MUC5AC: variants seen among roughly 807,000 people sequenced by gnomAD.
MUC5AC encodes mucin-5AC.
In MUC5AC, 158 loss-of-function variants were observed where a neutral mutation model predicts 169.7. The observed-to-expected ratio is 0.93, with a 90% CI of 0.82 to 1.06. The LOEUF is 1.06. Among genes scored for constraint, MUC5AC ranks in the 50% least tolerant of loss-of-function variants. The pLI is 0.00. For missense variants in MUC5AC, 4,359 were observed against 3,089.9 expected, an observed-to-expected ratio of 1.41 and a Z score of -9.74; for synonymous variants, 1,975 against 1,237.0, an observed-to-expected ratio of 1.60 and a Z score of -12.52.
Position 1,168,747 on chromosome 11 carries a change from A to G in MUC5AC, c.1673A>G (p.Gln558Arg), listed in dbSNP as rs1466701472. 2 of 1,607,622 alleles carry G rather than the reference A, an allele frequency of 1.2e-6. No homozygotes were observed. The highest frequency in any genetic ancestry group is 1.7e-6 in the Non-Finnish European group (2 of 1,175,782). Residue 558 changes from glutamine (Q) to arginine (R), a missense_variant, in exon 14 of 49, where the codon CAG (glutamine) becomes CGG (arginine). Transcript: ENST00000621226. ...GTGCCCACCATGCAGCTGTTCATGC[A>G]GCTGGCGCCCAAGCTCCGTGGGCAG... ...QLVPTMQLFM[Q>R]LAPKLRGQTC...
At position 1,163,990 on chromosome 11, in the gene MUC5AC, T is replaced by C; in HGVS notation, c.788T>C (p.Phe263Ser). 6.2e-7 allele frequency: 1 copy of C among 1,610,184 alleles called. No homozygotes were observed. Among genetic ancestry groups the C allele is most frequent in the Middle Eastern group, 1.7e-4 (1 of 6,058 alleles). Residue 263 changes from phenylalanine to serine, a missense_variant and splice_region_variant, in exon 7 of 49, where the codon TTT becomes TCT. By Grantham distance (155) the Phe-to-Ser change is radical. Transcript: ENST00000621226. ...CCCCCGAGGAACTGCTCCACTGGCTTTGTAAGCCTTGGAGGGAACAGAGGG... is the reference window on the plus strand; with the variant it reads ...CCCCCGAGGAACTGCTCCACTGGCTCTGTAAGCCTTGGAGGGAACAGAGGG... Reference protein sequence around the residue: ...PEPPRNCSTGFGICEELLHGQ... With the variant: ...PEPPRNCSTGSGICEELLHGQ...
chr11:1,169,079 C>G, intron 15 of MUC5AC, 53 bp downstream of exon 15: 1 of 1,491,226 alleles, frequency 6.7e-7, no homozygotes, highest in Non-Finnish European at 8.9e-7. Flanking sequence ...CTGGTTCACC[C>G]GCTTCCATTT....
chr11:1,194,383 G>A lies in MUC5AC; in HGVS notation c.15006+23G>A, dbSNP rs368228847. ...GAGGTGGGGGCGCGCCCGGTGTGCCGCGGAGGGGGTGGGGGACGCGGCTTT... is the reference window on the plus strand; with the variant it reads ...GAGGTGGGGGCGCGCCCGGTGTGCCACGGAGGGGGTGGGGGACGCGGCTTT... On this transcript the variant is annotated intron_variant, in intron 34 of 48. Coordinates refer to ENST00000621226, the MANE Select transcript of MUC5AC (RefSeq NM_001304359.2). 1.7e-4 allele frequency: 123 copies of A among 710,990 alleles called. No homozygotes were observed. The African/African-American group carries it at 1.7e-3, about 10-fold the overall frequency. 44.0% of individuals were successfully genotyped at this position (710,990 alleles called of 1,614,324 possible). A position where few individuals can be genotyped will look rare whatever the true frequency, so the allele number is the denominator to read the frequency against.
rs1860930258 is a variant in MUC5AC at position 1,185,873 on chromosome 11, T to G, written c.7728T>G (p.Pro2576=). ...CTGGAACTACTCCCAGCCCTGTTCCTACCACGAGCACAACCTCTGCTCCTA... is the reference window on the plus strand; with the variant it reads ...CTGGAACTACTCCCAGCCCTGTTCCGACCACGAGCACAACCTCTGCTCCTA... ...SGPGTTPSPV[P]TTSTTSAPTT... The change falls in exon 31 of 49, where the codon CCT becomes CCG. Residue 2576 remains proline (P), a synonymous_variant. Coordinates refer to ENST00000621226, the MANE Select transcript of MUC5AC (RefSeq NM_001304359.2). 1.3e-6 allele frequency: 1 copy of G among 745,380 alleles called. No homozygotes were observed. The highest frequency in any genetic ancestry group is 1.4e-5 in the South Asian group (1 of 71,730). 46.2% of individuals were successfully genotyped at this position (745,380 alleles called of 1,614,324 possible).
At position 1,186,835 on chromosome 11, in the gene MUC5AC, C is replaced by A. The variant is rs1361700833; in HGVS notation, c.8690C>A (p.Thr2897Lys). 8 of 709,808 alleles carry A rather than the reference C, an allele frequency of 1.1e-5. No individual in the cohort carries two copies. In the African/African-American group the frequency reaches 1.2e-4, roughly 11 times the overall value. The allele number at this position is 709,808 out of a possible 1,614,324, so 44.0% of individuals were successfully genotyped here. Residue 2897 changes from threonine (T) to lysine (K), a missense_variant, in exon 31 of 49, where the codon ACA becomes AAA. Physicochemically the swap from Thr to Lys is moderately conservative, Grantham distance 78 (BLOSUM62 -1). Coordinates refer to ENST00000621226, the MANE Select transcript of MUC5AC (RefSeq NM_001304359.2). ...VPTTSTTSAP[T>K]TRTTSAPTTS... The stretch of plus-strand genomic sequence containing the variant: ...ACCACCAGTACAACCTCTGCTCCTA[C>A]AACCAGAACAACCTCTGCTCCTACA...
chr11:1,193,726 G>A (rs537382498), intron 33 of MUC5AC, 67 bp downstream of exon 33: 58 of 743,094 alleles, frequency 7.8e-5, no homozygotes, highest in Admixed American at 7.5e-4. Context: ...GTGGAAATGG[G>A]CGGGGCAGAG....
Position 1,185,911 on chromosome 11 carries a change from C to A in MUC5AC, c.7766C>A (p.Thr2589Asn). 1.3e-6 allele frequency: 1 copy of A among 746,108 alleles called. No homozygotes were observed. 46.2% of individuals were successfully genotyped at this position (746,108 alleles called of 1,614,324 possible). ...ACCTCTGCTCCTACAACCAGCACAA[C>A]CTCTGGTCCTGGAACTACTCCCAGT... ...STTSAPTTST[T>N]SGPGTTPSAV... Residue 2589 changes from threonine to asparagine, a missense_variant, in exon 31 of 49, where the codon ACC (threonine) becomes AAC (asparagine). By Grantham distance (65) the Thr-to-Asn change is moderately conservative. Coordinates refer to ENST00000621226, the MANE Select transcript of MUC5AC (RefSeq NM_001304359.2).
chr11:1,160,807 C>A, intron 2 of MUC5AC, 118 bp downstream of exon 2: 1 of 1,037,282 alleles, frequency 9.6e-7, no homozygotes, highest in Non-Finnish European at 1.4e-6. Context: ...CTGCTGAGGA[C>A]CAAACCTGGG....
chr11:1,163,721 G>C (rs1168761134), intron 6 of MUC5AC, among the ~76,000 whole-genome samples, 161 bp from the exon 7 acceptor site: 1 of 152,106 alleles, frequency 6.6e-6, no homozygotes, highest in Non-Finnish European at 1.5e-5. Context: ...GTGGCCAAGC[G>C]GGTGCAGTCA....
intron 15 of MUC5AC, among the ~76,000 whole-genome samples, chr11:1,169,850 C>T (rs1452550501): frequency 2.4e-3 from 308 of 130,950 alleles, no homozygotes; most frequent in African/African-American, 7.9e-3. Flanking sequence ...ACCCACTCAC[C>T]GACTCACCCA....
chr11:1,167,696 T>G (rs969760506), intron 11 of MUC5AC, among the ~76,000 whole-genome samples, 181 bp from the exon 12 acceptor site: 2 of 152,136 alleles, frequency 1.3e-5, no homozygotes, highest in African/African-American at 4.8e-5. Flanking sequence ...GCATGCAGAT[T>G]TCTGTGTGTG....
In MUC5AC at chr11:1,169,045, C is replaced by T. The variant is rs757784397; in HGVS notation, c.1870+19C>T. The stretch of plus-strand genomic sequence containing the variant: ...GAGAATGGTACGGGTGTCCACGGCT[C>T]GCCTCTGTGCTGGCCGCCTGGCGCT... On this transcript the variant is annotated intron_variant, in intron 15 of 48. Transcript: ENST00000621226. 7.2e-6 allele frequency: 11 copies of T among 1,535,204 alleles called. No homozygotes were observed. Among genetic ancestry groups the T allele is most frequent in the African/African-American group, 4.1e-5 (3 of 72,538 alleles).
Position 1,191,903 on chromosome 11 carries a change from C to G in MUC5AC, c.13758C>G (p.Thr4586=). The change falls in exon 31 of 49, where the codon ACC becomes ACG. Residue 4586 remains threonine (T), a synonymous_variant. Coordinates refer to ENST00000621226, the MANE Select transcript of MUC5AC (RefSeq NM_001304359.2). ...CCTCTGCTCCTACAACCAGCACGAC[C>G]TCTGGTCCTGGAACTACTCCCAGCC... is the stretch of plus-strand genomic sequence containing the variant. ...STTSAPTTST[T]SGPGTTPSPV... The G allele has an allele frequency of 1.3e-6, 1 of 765,044 alleles. No homozygotes were observed. Among genetic ancestry groups the G allele is most frequent in the East Asian group, 2.4e-5 (1 of 41,238 alleles). 47.4% of individuals were successfully genotyped at this position (765,044 alleles called of 1,614,324 possible).
chr11:1,179,354 T>A, intron 26 of MUC5AC, 106 bp downstream of exon 26: 1 of 464,264 alleles, frequency 2.2e-6, no homozygotes, highest in Non-Finnish European at 3.8e-6. Flanking sequence ...GGGGAAGGTT[T>A]CCAAATAAAC....
In MUC5AC at chr11:1,180,277, G is replaced by C. The variant is rs1860786121; in HGVS notation, c.3614-77G>C. ...GTGCTGTCGGCGAGGCCCGCTGCTT[G>C]GGGGCTGGGCGGAGCCCTCCAGAGC... On this transcript the variant is annotated intron_variant, in intron 27 of 48. Coordinates refer to ENST00000621226, the MANE Select transcript of MUC5AC (RefSeq NM_001304359.2). 5 of 398,530 alleles carry C rather than the reference G, an allele frequency of 1.3e-5. No homozygotes were observed. In the Admixed American group the frequency reaches 2.2e-4, roughly 18 times the overall value. The allele number at this position is 398,530 out of a possible 1,614,324, so 24.7% of individuals were successfully genotyped here.
rs959365441 is a variant in MUC5AC, at chr11:1,180,129, C to T, written c.3592C>T (p.Arg1198Trp). 1.5e-5 allele frequency: 6 copies of T among 398,196 alleles called. No individual in the cohort carries two copies. Among genetic ancestry groups the T allele is most frequent in the South Asian group, 1.3e-4 (1 of 7,836 alleles). The allele number at this position is 398,196 out of a possible 1,614,324, so 24.7% of individuals were successfully genotyped here. Residue 1198 changes from arginine to tryptophan, a missense_variant, in exon 27 of 49, where the codon CGG (arginine) becomes TGG (tryptophan). By Grantham distance (101) the Arg-to-Trp change is moderately radical. Coordinates refer to ENST00000621226, the MANE Select transcript of MUC5AC (RefSeq NM_001304359.2). Reference sequence around the variant, plus strand: ...CCGGAACCCCCGTGGAGACTGCCTGCGGGACGTCCGGGGCCTGGAAGGTGG... The same window carrying T: ...CCGGAACCCCCGTGGAGACTGCCTGTGGGACGTCCGGGGCCTGGAAGGTGG... ...TCRNPRGDCL[R>W]DVRGLEGCYP...
At chr11:1,181,633 C>A (rs1280097582) in intron 30 of MUC5AC, among the ~76,000 whole-genome samples, 174 bp downstream of exon 30, 3 of 152,174 alleles carry the variant, frequency 2.0e-5, no homozygotes, top group Non-Finnish European at 4.4e-5. Context: ...GCTGTTTCCC[C>A]ACCAGCCACC....
In MUC5AC at chr11:1,181,393, G is replaced by T. The variant is rs1664280782; in HGVS notation, c.3943G>T (p.Val1315Phe). 1 of 398,458 alleles carries T rather than the reference G, an allele frequency of 2.5e-6. No individual in the cohort carries two copies. 24.7% of individuals were successfully genotyped at this position (398,458 alleles called of 1,614,324 possible). ...GGCCAACGGCACCATTGAGAGGAGG[G>T]TCTACCCCTGCAGCCCCACCACCCC... ...CGANGTIERR[V>F]YPCSPTTPVP... Residue 1315 changes from valine to phenylalanine, a missense_variant, in exon 30 of 49, where the codon GTC (valine) becomes TTC (phenylalanine). Transcript: ENST00000621226.
chr11:1,165,184 T>C (rs28433367), intron 9 of MUC5AC, 118 bp from the exon 10 acceptor site: 412,107 of 952,474 alleles, frequency 0.43, 93,462 homozygotes, highest in African/African-American at 0.77. Flanking sequence ...GCCCCCGTCC[T>C]GGGCCCCTGG....
Sources: allele counts gnomAD v4.1 joint callset (sites outside exome capture counted in the v4.1 genomes callset), GRCh38; gene constraint gnomAD v4.1.1; transcripts MANE v1.5; gene names NCBI Gene and HGNC (gene_info 2026-07-23, HGNC 2026-07-21).